SYT1: variants seen among roughly 807,000 people sequenced by gnomAD.
The protein encoded by SYT1 is synaptotagmin-1.
In SYT1, 8 loss-of-function variants were observed where a neutral mutation model predicts 44.8. That is an observed-to-expected ratio of 0.18 (90% CI 0.10 to 0.32). The LOEUF is 0.32. Among genes scored for constraint, SYT1 ranks in the 10% least tolerant of loss-of-function variants. The pLI is 1.00. For missense variants in SYT1, 286 were observed against 509.3 expected, an observed-to-expected ratio of 0.56 and a Z score of 4.22; for synonymous variants, 154 against 188.8, an observed-to-expected ratio of 0.82 and a Z score of 1.51.
intron 3 of SYT1, among the ~76,000 whole-genome samples, chr12:79,168,908 C>G (rs148096206): frequency 1.5e-4 from 23 of 152,056 alleles, no homozygotes; most frequent in African/African-American, 4.1e-4. Context: ...CCATTAATTC[C>G]CTCATCTTTA....
rs546817764 is a variant in SYT1 at position 78,924,551 on chromosome 12, T to C, written c.-216-53248T>C. Among the ~76,000 whole-genome samples, 259 of 150,512 alleles carry C rather than the reference T, an allele frequency of 1.7e-3. 2 individuals carry two copies. The highest frequency in any genetic ancestry group is 6.1e-3 in the African/African-American group (251 of 41,278). ...TCCACCTAATTATTTATTTATATCCTGGTAGACATATATTATTCAATGGGT... is the reference window on the plus strand; with the variant it reads ...TCCACCTAATTATTTATTTATATCCCGGTAGACATATATTATTCAATGGGT... On this transcript the variant is annotated intron_variant, in intron 1 of 10. Transcript: ENST00000261205.
At chr12:79,215,471 A>T (rs898119706) in intron 3 of SYT1, among the ~76,000 whole-genome samples, 10 of 152,320 alleles carry the variant, frequency 6.6e-5, no homozygotes, top group African/African-American at 9.6e-5. Context: ...ATCTGAGCCG[A>T]TATCTGTCCA....
chr12:79,116,551 A>G (rs1879290183), intron 3 of SYT1, among the ~76,000 whole-genome samples: 1 of 152,208 alleles, frequency 6.6e-6, no homozygotes, highest in Admixed American at 6.5e-5. Flanking sequence ...AACATGCCCA[A>G]CGTGGGTGAA....
At chr12:78,967,326 A>G (rs1868272706) in intron 1 of SYT1, among the ~76,000 whole-genome samples, 1 of 152,226 alleles carries the variant, frequency 6.6e-6, no homozygotes, top group Non-Finnish European at 1.5e-5. Flanking sequence ...GAGCAAGGCT[A>G]GAGGGCAGAG....
intron 1 of SYT1, among the ~76,000 whole-genome samples, chr12:78,885,249 G>C (rs930436238): frequency 2.0e-5 from 3 of 148,610 alleles, no homozygotes; most frequent in Non-Finnish European, 4.5e-5. Context: ...GGAAGAGTGA[G>C]AAGAAAGGGG....
intron 8 of SYT1, among the ~76,000 whole-genome samples, chr12:79,321,874 A>G (rs575682623): frequency 1.3e-5 from 2 of 152,336 alleles, no homozygotes; most frequent in East Asian, 3.9e-4. Context: ...TAATTTCTAT[A>G]GGAAGATAAT....
At chr12:79,098,919 A>G (rs185830372) in intron 3 of SYT1, among the ~76,000 whole-genome samples, 1 of 152,296 alleles carries the variant, frequency 6.6e-6, no homozygotes, top group Admixed American at 6.5e-5. Flanking sequence ...AACTGGTCCA[A>G]TGTATGAGTA....
chr12:79,447,256 C>T (rs1002098226), intron 10 of SYT1, among the ~76,000 whole-genome samples: 3 of 151,750 alleles, frequency 2.0e-5, no homozygotes, highest in Non-Finnish European at 4.4e-5. Context: ...CTAGTCTTCA[C>T]CTTTTTCTAG....
intron 3 of SYT1, among the ~76,000 whole-genome samples, chr12:79,072,491 T>C (rs1202925187): frequency 6.6e-6 from 1 of 152,114 alleles, no homozygotes; most frequent in Non-Finnish European, 1.5e-5. Flanking sequence ...GTTATTTAAA[T>C]TTATATACAT....
At chr12:79,229,089 C>T (rs1200705306) in intron 4 of SYT1, among the ~76,000 whole-genome samples, 9 of 152,244 alleles carry the variant, frequency 5.9e-5, no homozygotes, top group African/African-American at 2.2e-4. Context: ...GTATCCCCCA[C>T]ATCTTGAAAG....
chr12:79,242,389 G>A (rs547457271), intron 4 of SYT1, among the ~76,000 whole-genome samples: 1 of 152,250 alleles, frequency 6.6e-6, no homozygotes, highest in Admixed American at 6.5e-5. Flanking sequence ...GATTGTGTGA[G>A]GACAAGGAAA....
chr12:79,361,069 G>A (rs1430546681), intron 9 of SYT1, among the ~76,000 whole-genome samples: 1 of 152,148 alleles, frequency 6.6e-6, no homozygotes, highest in African/African-American at 2.4e-5. Context: ...TTAGCCAGCA[G>A]GTATATATCC....
chr12:78,938,179 C>T (rs933010554), intron 1 of SYT1, among the ~76,000 whole-genome samples: 7 of 152,146 alleles, frequency 4.6e-5, no homozygotes, highest in African/African-American at 1.7e-4. Flanking sequence ...CCCTCCTCTC[C>T]CTTTCCACCC....
At chr12:79,185,456 T>A (rs1872750232) in intron 3 of SYT1, among the ~76,000 whole-genome samples, 1 of 152,062 alleles carries the variant, frequency 6.6e-6, no homozygotes, top group African/African-American at 2.4e-5. Flanking sequence ...CCCTTCTGTG[T>A]TAGATTTCTC....
At chr12:79,367,432 T>A (rs1299430790) in intron 9 of SYT1, among the ~76,000 whole-genome samples, 1 of 152,220 alleles carries the variant, frequency 6.6e-6, no homozygotes, top group Non-Finnish European at 1.5e-5. Context: ...AATACCTAAT[T>A]GATGCAATAT....
chr12:79,350,241 A>G (rs1592990608), intron 8 of SYT1, among the ~76,000 whole-genome samples: 1 of 144,570 alleles, frequency 6.9e-6, no homozygotes, highest in East Asian at 2.0e-4. Context: ...CCCAGGATGC[A>G]TATTCTTTTT....
intron 1 of SYT1, among the ~76,000 whole-genome samples, chr12:78,967,314 G>C (rs1868272435): frequency 6.6e-6 from 1 of 152,196 alleles, no homozygotes; most frequent in Non-Finnish European, 1.5e-5. Context: ...CTAGTATTGA[G>C]AGAGCAAGGC....
At chr12:79,015,135 A>G (rs1871719400) in intron 2 of SYT1, among the ~76,000 whole-genome samples, 2 of 152,166 alleles carry the variant, frequency 1.3e-5, no homozygotes, top group South Asian at 2.1e-4. Context: ...TGGGTGCAGC[A>G]CACCAGCATG....
chr12:79,349,040 A>AGAAAGAAAGG (rs1882760195), intron 8 of SYT1, among the ~76,000 whole-genome samples: 1 of 135,142 alleles, frequency 7.4e-6, no homozygotes, highest in South Asian at 2.6e-4. Flanking sequence ...AGAAAAAGAA[A>AGAAAGAAAGG]GAAAGAAAGA....
Sources: gnomAD v4.1 joint callset for allele counts (sites outside exome capture counted in the v4.1 genomes callset) on GRCh38, gnomAD v4.1.1 for gene constraint, MANE v1.5 for transcripts, NCBI Gene and HGNC (gene_info 2026-07-23, HGNC 2026-07-21) for gene names.